SERGEF: variants seen among roughly 807,000 people sequenced by gnomAD.
SERGEF encodes the protein secretion-regulating guanine nucleotide exchange factor.
Under a neutral mutation model 50.0 loss-of-function variants are expected in SERGEF, and 51 were observed. That is an observed-to-expected ratio of 1.02 (90% CI 0.81 to 1.29). The LOEUF is 1.29. SERGEF is among the 50% of genes most tolerant of loss of function. The pLI is 0.00. For missense variants in SERGEF, 521 were observed against 557.0 expected, an observed-to-expected ratio of 0.94 and a Z score of 0.65; for synonymous variants, 205 against 212.4, an observed-to-expected ratio of 0.97 and a Z score of 0.30.
intron 7 of SERGEF, among the ~76,000 whole-genome samples, chr11:17,990,507 G>A (rs1266820997): frequency 6.6e-6 from 1 of 152,212 alleles, no homozygotes; most frequent in East Asian, 1.9e-4. Context: ...TAAGTGGACT[G>A]CTGAGCTACA....
intron 8 of SERGEF, among the ~76,000 whole-genome samples, chr11:17,985,968 C>T (rs766099802): frequency 6.6e-6 from 1 of 152,164 alleles, no homozygotes; most frequent in Admixed American, 6.5e-5. Flanking sequence ...CCATTAGACG[C>T]CAATAGTGTC....
rs569092307 is a variant in SERGEF, at chr11:17,923,172, G to A, written c.1011+36298C>T. Reference sequence around the variant, plus strand: ...CTTCTCCTGCCATCAGCTGATTCCCGTCTATTGGTCCAGCCCTGCCATAGG... The same window carrying A: ...CTTCTCCTGCCATCAGCTGATTCCCATCTATTGGTCCAGCCCTGCCATAGG... On this transcript the variant is annotated intron_variant, in intron 9 of 10. Transcript: ENST00000265965. Among the ~76,000 whole-genome samples the A allele has an allele frequency of 5.3e-5, 8 of 152,262 alleles. No homozygotes were observed. In the South Asian group the frequency reaches 1.2e-3, roughly 24 times the overall value.
intron 10 of SERGEF, among the ~76,000 whole-genome samples, chr11:17,812,632 T>A (rs1267682215): frequency 6.6e-6 from 1 of 152,176 alleles, no homozygotes; most frequent in African/African-American, 2.4e-5. Flanking sequence ...CCTTCAGGGC[T>A]CAGCTGTGTT....
intron 10 of SERGEF, among the ~76,000 whole-genome samples, chr11:17,837,431 A>G (rs925822492): frequency 6.6e-6 from 1 of 151,668 alleles, no homozygotes; most frequent in African/African-American, 2.4e-5. Context: ...CTCTGTGGGG[A>G]GTGAGTTGTC....
chr11:17,804,565 C>CGCT (rs141227395), intron 10 of SERGEF, among the ~76,000 whole-genome samples: 3 of 151,806 alleles, frequency 2.0e-5, no homozygotes, highest in Admixed American at 6.5e-5. Context: ...TCAGTAGCTC[C>CGCT]ACTATTACTT....
At chr11:17,970,012 A>G (rs1853213968) in intron 8 of SERGEF, among the ~76,000 whole-genome samples, 1 of 152,242 alleles carries the variant, frequency 6.6e-6, no homozygotes, top group African/African-American at 2.4e-5. Context: ...AGTTAGAAGT[A>G]AGACTAGACT....
At chr11:17,920,994 A>C (rs757410) in intron 9 of SERGEF, among the ~76,000 whole-genome samples, 73,769 of 152,052 alleles carry the variant, frequency 0.49, 19,256 homozygotes, top group East Asian at 0.73. Flanking sequence ...TCCCTTTTTA[A>C]CACCCATCCA....
chr11:17,988,181 G>A lies in SERGEF; in HGVS notation c.844+416C>T, dbSNP rs147241201. On this transcript the variant is annotated intron_variant, in intron 8 of 10. Coordinates refer to ENST00000265965, the MANE Select transcript of SERGEF (RefSeq NM_012139.4). ...TAAATCAGAATTCCATGCCAGCTATGAATCAAAATAATGTTCCTACCTCAA... is the reference window on the plus strand; with the variant it reads ...TAAATCAGAATTCCATGCCAGCTATAAATCAAAATAATGTTCCTACCTCAA... Among the ~76,000 whole-genome samples the A allele has an allele frequency of 9.3e-4, 141 of 152,294 alleles. 1 individual carries two copies. The highest frequency in any genetic ancestry group is 3.2e-3 in the African/African-American group (135 of 41,548).
chr11:17,858,149 AG>A (rs1485323167), intron 10 of SERGEF, among the ~76,000 whole-genome samples: 1 of 152,204 alleles, frequency 6.6e-6, no homozygotes, highest in East Asian at 1.9e-4. Flanking sequence ...CTGAAATCAG[AG>A]GCGTTGCCTG....
At chr11:17,887,487 T>G (rs1220913210) in intron 9 of SERGEF, among the ~76,000 whole-genome samples, 1 of 152,120 alleles carries the variant, frequency 6.6e-6, no homozygotes, top group Non-Finnish European at 1.5e-5. Flanking sequence ...CAGGTAAATA[T>G]CCTATGGCAG....
At chr11:17,869,793 C>T (rs1192550619) in intron 10 of SERGEF, among the ~76,000 whole-genome samples, 1 of 152,096 alleles carries the variant, frequency 6.6e-6, no homozygotes, top group Non-Finnish European at 1.5e-5. Context: ...ATAATGGCCT[C>T]CTAAAGATGT....
intron 3 of SERGEF, 23 bp from the exon 4 acceptor site, chr11:18,004,558 T>C (rs774707527): frequency 5.2e-6 from 8 of 1,539,738 alleles, no homozygotes; most frequent in Non-Finnish European, 7.1e-6. Flanking sequence ...AATACTTAAA[T>C]TGCAAATCTA....
intron 1 of SERGEF, among the ~76,000 whole-genome samples, chr11:18,011,131 C>CACACAT (rs1854186798): frequency 1.6e-5 from 2 of 123,222 alleles, no homozygotes; most frequent in Non-Finnish European, 3.3e-5. Flanking sequence ...CGTGCACATG[C>CACACAT]ACACATACAC....
intron 9 of SERGEF, among the ~76,000 whole-genome samples, chr11:17,956,505 TGCAA>T (rs1852875058): frequency 6.6e-6 from 1 of 152,198 alleles, no homozygotes; most frequent in Non-Finnish European, 1.5e-5. Flanking sequence ...AAATAATATC[TGCAA>T]AGCATTTAGC....
chr11:17,899,276 C>T (rs1296624944), intron 9 of SERGEF, among the ~76,000 whole-genome samples: 1 of 152,170 alleles, frequency 6.6e-6, no homozygotes, highest in East Asian at 1.9e-4. Context: ...TTTGGTCCTA[C>T]TCTAAAAAAT....
At chr11:17,964,605 A>T (rs1021002012) in intron 8 of SERGEF, among the ~76,000 whole-genome samples, 1 of 152,214 alleles carries the variant, frequency 6.6e-6, no homozygotes, top group African/African-American at 2.4e-5. Context: ...ATCCATGGGT[A>T]AGACAGAGAA....
At chr11:17,917,115 A>G (rs1286013142) in intron 9 of SERGEF, among the ~76,000 whole-genome samples, 1 of 152,256 alleles carries the variant, frequency 6.6e-6, no homozygotes, top group African/African-American at 2.4e-5. Flanking sequence ...ATACTTGCAC[A>G]TGCATGTTTA....
intron 9 of SERGEF, among the ~76,000 whole-genome samples, chr11:17,912,070 T>C (rs1851965325): frequency 6.6e-6 from 1 of 151,916 alleles, no homozygotes. Context: ...AAGATAAAAG[T>C]AAGACCCTAT....
intron 9 of SERGEF, among the ~76,000 whole-genome samples, chr11:17,901,630 C>A (rs539418217): frequency 9.2e-5 from 14 of 152,322 alleles, no homozygotes; most frequent in African/African-American, 3.1e-4. Flanking sequence ...CCTGTCAGCT[C>A]CTTCTGTCAA....
Sources: gnomAD v4.1 joint callset for allele counts (sites outside exome capture counted in the v4.1 genomes callset) on GRCh38, gnomAD v4.1.1 for gene constraint, MANE v1.5 for transcripts, NCBI Gene and HGNC (gene_info 2026-07-23, HGNC 2026-07-21) for gene names.